SEC24D: variants seen among roughly 807,000 people sequenced by gnomAD.
SEC24D encodes the protein protein transport protein Sec24D.
A neutral mutation model predicts 116.9 loss-of-function variants in SEC24D; 69 were observed. The ratio of observed to expected loss-of-function variants is 0.59; its 90% CI spans 0.49 to 0.72. The LOEUF (loss-of-function observed/expected upper bound fraction) is 0.72, where lower values mean the gene tolerates loss of function less well. SEC24D is among the 30% of genes least tolerant of loss of function. SEC24D has a pLI of 0.00. For synonymous variants in SEC24D, 405 were observed against 442.8 expected, an observed-to-expected ratio of 0.91 and a Z score of 1.07; for missense variants, 1,131 against 1,264.1, an observed-to-expected ratio of 0.89 and a Z score of 1.60.
chr4:118,783,154 T>C (rs987176892), intron 8 of SEC24D, among the ~76,000 whole-genome samples: 1 of 152,166 alleles, frequency 6.6e-6, no homozygotes, highest in Non-Finnish European at 1.5e-5. Context: ...GGTACCTCAG[T>C]TGGAAATGCA....
intron 9 of SEC24D, among the ~76,000 whole-genome samples, chr4:118,767,461 A>G (rs1052738381): frequency 6.6e-6 from 1 of 152,242 alleles, no homozygotes; most frequent in Non-Finnish European, 1.5e-5. Context: ...ATACTCTAGT[A>G]ATCATCACAT....
At chr4:118,782,649 T>G (rs1246842943) in intron 8 of SEC24D, among the ~76,000 whole-genome samples, 1 of 152,160 alleles carries the variant, frequency 6.6e-6, no homozygotes, top group Non-Finnish European at 1.5e-5. Flanking sequence ...CAGACAGGGA[T>G]GTTTAAGTCT....
intron 8 of SEC24D, among the ~76,000 whole-genome samples, chr4:118,786,352 G>A (rs775101290): frequency 1.5e-4 from 23 of 151,652 alleles, no homozygotes; most frequent in Non-Finnish European, 2.8e-4. Context: ...TTTATTTTTT[G>A]GCCTTTTATT....
At chr4:118,741,451 T>C (rs755812154) in intron 15 of SEC24D, among the ~76,000 whole-genome samples, 11 of 152,304 alleles carry the variant, frequency 7.2e-5, no homozygotes, top group Middle Eastern at 3.4e-3. Flanking sequence ...TGTGAAGCTA[T>C]GTCAGGGAAA....
Position 118,723,464 on chromosome 4 carries a change from G to A in SEC24D, c.*51C>T, listed in dbSNP as rs1276753000. ...TATCATCTAGAAAATTAGGCACCAA[G>A]AAGGAGATTATCTCCTTGGAAATGC... is the stretch of plus-strand genomic sequence containing the variant. On this transcript the variant is annotated 3_prime_UTR_variant, in exon 23 of 23. Coordinates refer to ENST00000280551, the MANE Select transcript of SEC24D (RefSeq NM_014822.4). 3 of 1,543,452 alleles carry A rather than the reference G, an allele frequency of 1.9e-6. No homozygotes were observed. The highest frequency in any genetic ancestry group is 2.8e-5 in the African/African-American group (2 of 72,062).
In SEC24D at chr4:118,738,230, C is replaced by T. The variant is rs183110720; in HGVS notation, c.2496+31G>A. ...AAGAAATGAGTAGTCGTTTGTAACA[C>T]TTTAACATCTATGTGCAATAGGTAG... On this transcript the variant is annotated intron_variant, in intron 19 of 22. Coordinates refer to ENST00000280551, the MANE Select transcript of SEC24D (RefSeq NM_014822.4). 2.7e-4 allele frequency: 393 copies of T among 1,429,204 alleles called. No individual in the cohort carries two copies. The African/African-American group carries it at 4.7e-3, about 17-fold the overall frequency. 88.5% of individuals were successfully genotyped at this position (1,429,204 alleles called of 1,614,324 possible).
chr4:118,742,627 G>A (rs528374418), intron 15 of SEC24D, among the ~76,000 whole-genome samples: 1 of 152,230 alleles, frequency 6.6e-6, no homozygotes, highest in South Asian at 2.1e-4. Context: ...GTCTTATCAA[G>A]TCCCTTAGTT....
At chr4:118,791,735 G>C (rs12506295) in intron 8 of SEC24D, among the ~76,000 whole-genome samples, 1 of 151,908 alleles carries the variant, frequency 6.6e-6, no homozygotes, top group Non-Finnish European at 1.5e-5. Flanking sequence ...CGTGCTGGCC[G>C]GGCTGGTCTC....
rs542909763 is a variant in SEC24D, at chr4:118,823,060, C to T, written c.248+1560G>A. ...AAGTGAAAATGAGGACAGGCATGGT[C>T]AAGGAACTTCACCAGTGTCCACAGT... On this transcript the variant is annotated intron_variant, in intron 3 of 22. Transcript: ENST00000280551. 1.6e-4 allele frequency among the ~76,000 whole-genome samples: 25 copies of T among 152,310 alleles called. No homozygotes were observed. In the South Asian group the frequency reaches 5.2e-3, roughly 32 times the overall value.
At chr4:118,758,356 G>A (rs1727213944) in intron 10 of SEC24D, 1 of 152,214 alleles carries the variant, frequency 6.6e-6, no homozygotes, top group Non-Finnish European at 1.5e-5. Flanking sequence ...ATGAAATTGT[G>A]TATGAAAATA....
chr4:118,735,552 T>A (rs1160085877), intron 19 of SEC24D, among the ~76,000 whole-genome samples: 1 of 152,210 alleles, frequency 6.6e-6, no homozygotes, highest in Non-Finnish European at 1.5e-5. Flanking sequence ...ATTTTGCAGT[T>A]AAGGTCATTT....
intron 6 of SEC24D, among the ~76,000 whole-genome samples, chr4:118,808,065 CAT>C (rs144795735): frequency 0.044 from 6,639 of 152,128 alleles, 196 homozygotes; most frequent in Non-Finnish European, 0.064. Flanking sequence ...GGGCTCAAGC[CAT>C]CTCTTGCCTC....
chr4:118,741,506 C>A (rs928051666), intron 15 of SEC24D, among the ~76,000 whole-genome samples: 1 of 152,132 alleles, frequency 6.6e-6, no homozygotes, highest in Non-Finnish European at 1.5e-5. Context: ...CTACGATCAC[C>A]GTATTTCTGA....
intron 10 of SEC24D, chr4:118,760,327 C>G (rs1367489874): frequency 6.6e-6 from 1 of 152,206 alleles, no homozygotes; most frequent in Non-Finnish European, 1.5e-5. Flanking sequence ...TCTGTTTCCT[C>G]TCTCCAGCAC....
At chr4:118,819,896 A>C (rs1175165161) in intron 3 of SEC24D, among the ~76,000 whole-genome samples, 2 of 152,236 alleles carry the variant, frequency 1.3e-5, no homozygotes, top group Non-Finnish European at 2.9e-5. Context: ...ATGAGAGACT[A>C]TATAACCATC....
intron 13 of SEC24D, among the ~76,000 whole-genome samples, chr4:118,748,548 A>T (rs1312406072): frequency 6.6e-6 from 1 of 152,178 alleles, no homozygotes; most frequent in Non-Finnish European, 1.5e-5. Flanking sequence ...TACAGAATTA[A>T]TGAATGCCAT....
At chr4:118,802,445 T>C (rs748941499) in intron 7 of SEC24D, among the ~76,000 whole-genome samples, 10 of 152,204 alleles carry the variant, frequency 6.6e-5, no homozygotes, top group African/African-American at 1.9e-4. Context: ...ATTGTACTTA[T>C]GTCTGTGAAT....
intron 6 of SEC24D, among the ~76,000 whole-genome samples, chr4:118,810,115 TG>T (rs1560736966): frequency 1.1e-4 from 17 of 149,332 alleles, no homozygotes; most frequent in African/African-American, 3.9e-4. Context: ...TGTGTGTGTG[TG>T]TGTGTGTGTG....
intron 9 of SEC24D, among the ~76,000 whole-genome samples, chr4:118,765,872 T>C (rs901402141): frequency 3.3e-5 from 5 of 152,172 alleles, no homozygotes; most frequent in African/African-American, 2.4e-5. Context: ...ACGTTGTTAC[T>C]GTATCATGGC....
Sources: gnomAD v4.1 joint callset for allele counts (sites outside exome capture counted in the v4.1 genomes callset) on GRCh38, gnomAD v4.1.1 for gene constraint, MANE v1.5 for transcripts, NCBI Gene and HGNC (gene_info 2026-07-23, HGNC 2026-07-21) for gene names.